Variants in SGIP1 observed in about 807,000 individuals in gnomAD.
SGIP1 encodes the protein SH3-containing GRB2-like protein 3-interacting protein 1.
A neutral mutation model predicts 107.5 loss-of-function variants in SGIP1; 38 were observed. That is an observed-to-expected ratio of 0.35 (90% confidence interval 0.27 to 0.46). SGIP1 has a LOEUF of 0.46. Among genes scored for constraint, SGIP1 ranks in the 20% least tolerant of loss-of-function variants. The pLI, the probability that SGIP1 is intolerant of heterozygous loss-of-function variation, is 1.00. For synonymous variants in SGIP1, 365 were observed against 366.1 expected (o/e 1.00, Z 0.03); for missense variants, 929 against 1,019.5 (o/e 0.91, Z 1.21).
chr1:66,679,774 T>G (rs2086241431), intron 14 of SGIP1, 22 bp downstream of exon 14: 1 of 1,577,800 alleles, frequency 6.3e-7, no homozygotes. Flanking sequence ...TTTTTTCAGT[T>G]CTGGGATGAT....
chr1:66,743,048 G>A, intron 24 of SGIP1, 25 bp from the exon 25 acceptor site: 8 of 1,613,374 alleles, frequency 5.0e-6, no homozygotes, highest in Non-Finnish European at 6.8e-6. Flanking sequence ...CAGATAACCT[G>A]TTGACATGCT....
Position 66,689,221 on chromosome 1 carries a change from C to CCGGCCTCCATCCCGGCCAAAG in SGIP1, c.1391_1411dup (p.Arg464_Lys470dup), listed in dbSNP as rs765195877. 1 of 1,613,938 alleles carries CCGGCCTCCATCCCGGCCAAAG rather than the reference C, an allele frequency of 6.2e-7. No homozygotes were observed. The stretch of plus-strand genomic sequence containing the variant: ...GTACCACTCCACCTCCACCTCCTCC[C>CCGGCCTCCATCCCGGCCAAAG]CGGCCTCCATCCCGGCCAAAGCTAC... On this transcript the variant is annotated inframe_insertion, in exon 16 of 25. Transcript: ENST00000371037.
At chr1:66,709,012 G>A (rs557380620) in intron 18 of SGIP1, among the ~76,000 whole-genome samples, 1 of 151,706 alleles carries the variant, frequency 6.6e-6, no homozygotes, top group East Asian at 1.9e-4. Flanking sequence ...TGTTTGTTTT[G>A]TTTTCTTTAC....
At chr1:66,732,491 C>G (rs2094059286) in intron 20 of SGIP1, among the ~76,000 whole-genome samples, 2 of 152,158 alleles carry the variant, frequency 1.3e-5, no homozygotes, top group Admixed American at 1.3e-4. Context: ...ATTTCCAGGG[C>G]CAAAGAGCTT....
At chr1:66,631,048 A>G (rs758359297) in intron 2 of SGIP1, among the ~76,000 whole-genome samples, 39 of 33,888 alleles carry the variant, frequency 1.2e-3, no homozygotes, top group African/African-American at 3.3e-3. Context: ...AGAAAGGAAG[A>G]AAGAAAGAAA....
chr1:66,635,773 G>T (rs950269496), intron 3 of SGIP1, among the ~76,000 whole-genome samples, 171 bp from the exon 4 acceptor site: 3 of 152,106 alleles, frequency 2.0e-5, no homozygotes, highest in South Asian at 2.1e-4. Flanking sequence ...GGGCCCCAAA[G>T]TCCACTCTTT....
chr1:66,634,775 A>G (rs1467204569), intron 3 of SGIP1, among the ~76,000 whole-genome samples: 1 of 152,220 alleles, frequency 6.6e-6, no homozygotes, highest in Non-Finnish European at 1.5e-5. Context: ...AACAGGCTTT[A>G]TAGGTAATTG....
chr1:66,671,979 A>G lies in SGIP1; in HGVS notation c.544A>G (p.Thr182Ala). ...GGCAAGACCCAGGCGTTCCACACCA[A>G]CTCCAGAACTTATAAGGTGAGTGTG... ...EVARPRRSTP[T>A]PELISKKPPD... is the part of the protein sequence containing the mutation. Residue 182 changes from threonine to alanine, a missense_variant, in exon 11 of 25, where the codon ACT becomes GCT. Thr to Ala is a moderately conservative substitution (Grantham distance 58). Coordinates refer to ENST00000371037, the MANE Select transcript of SGIP1 (RefSeq NM_032291.4). 6.2e-7 allele frequency: 1 copy of G among 1,613,958 alleles called. No individual in the cohort carries two copies. The highest frequency in any genetic ancestry group is 8.5e-7 in the Non-Finnish European group (1 of 1,179,920).
In SGIP1 at chr1:66,739,494, G is replaced by A. The variant is rs777612087; in HGVS notation, c.2191G>A (p.Gly731Arg). 7 of 1,613,940 alleles carry A rather than the reference G, an allele frequency of 4.3e-6. No individual in the cohort carries two copies. The highest frequency in any genetic ancestry group is 1.3e-5 in the African/African-American group (1 of 74,872). Residue 731 changes from glycine to arginine, a missense_variant, in exon 22 of 25, where the codon GGA (glycine) becomes AGA (arginine). Coordinates refer to ENST00000371037, the MANE Select transcript of SGIP1 (RefSeq NM_032291.4). ...NNVQFLVPID[G>R]GVTKLQAVLP... The stretch of plus-strand genomic sequence containing the variant: ...TGTGCAGTTCCTGGTCCCCATCGAC[G>A]GAGGAGTCACCAAGCTCCAGGCAGT...
intron 1 of SGIP1, among the ~76,000 whole-genome samples, chr1:66,608,411 G>T (rs928863201): frequency 3.3e-5 from 5 of 152,046 alleles, no homozygotes; most frequent in Admixed American, 2.0e-4. Flanking sequence ...CATTTCTTAA[G>T]CAAAAATAAT....
At chr1:66,636,894 T>C (rs1309323542) in intron 4 of SGIP1, among the ~76,000 whole-genome samples, 1 of 152,166 alleles carries the variant, frequency 6.6e-6, no homozygotes, top group Non-Finnish European at 1.5e-5. Context: ...CATCATGTTA[T>C]CTAAGAACAG....
chr1:66,715,900 T>A (rs112917921), intron 18 of SGIP1, among the ~76,000 whole-genome samples: 3 of 152,256 alleles, frequency 2.0e-5, no homozygotes, highest in African/African-American at 7.2e-5. Flanking sequence ...TATAAGAAAA[T>A]TTTTAGCACT....
rs914338358 is a variant in SGIP1, at chr1:66,723,587, A to T, written c.1742+4182A>T. The stretch of plus-strand genomic sequence containing the variant: ...GGCTCTCTCTTATCCTTCTTTTATC[A>T]TCACATTTTAATTATTTATTCAGTA... On this transcript the variant is annotated intron_variant, in intron 19 of 24. Transcript: ENST00000371037. 1.3e-4 allele frequency among the ~76,000 whole-genome samples: 20 copies of T among 152,310 alleles called. 1 individual carries two copies. The highest frequency in any genetic ancestry group is 4.8e-4 in the African/African-American group (20 of 41,570).
At chr1:66,654,634 GA>G (rs1185550260) in intron 7 of SGIP1, among the ~76,000 whole-genome samples, 9 of 151,120 alleles carry the variant, frequency 6.0e-5, no homozygotes, top group East Asian at 5.8e-4. Context: ...TATTGTTTTA[GA>G]AAAAAAAATC....
At chr1:66,638,650 C>T (rs1157507215) in intron 4 of SGIP1, among the ~76,000 whole-genome samples, 1 of 152,128 alleles carries the variant, frequency 6.6e-6, no homozygotes, top group African/African-American at 2.4e-5. Context: ...CCCTGCTAGT[C>T]CATAGAATGC....
chr1:66,562,600 A>G (rs2059112830), intron 1 of SGIP1, among the ~76,000 whole-genome samples: 1 of 152,110 alleles, frequency 6.6e-6, no homozygotes. Context: ...GAATATGCTT[A>G]GGACCGAAAC....
intron 15 of SGIP1, among the ~76,000 whole-genome samples, chr1:66,686,358 C>T (rs79513763): frequency 0.12 from 17,603 of 152,188 alleles, 1,084 homozygotes; most frequent in South Asian, 0.16. Flanking sequence ...GCATGTCAAT[C>T]GTTGCCAACC....
At chr1:66,641,119 C>A (rs2076711017) in intron 5 of SGIP1, among the ~76,000 whole-genome samples, 1 of 151,896 alleles carries the variant, frequency 6.6e-6, no homozygotes, top group Non-Finnish European at 1.5e-5. Context: ...AGAAGTAGGT[C>A]AAAGAGTACA....
chr1:66,588,972 C>T lies in SGIP1; in HGVS notation c.11-36875C>T, dbSNP rs188558130. On this transcript the variant is annotated intron_variant, in intron 1 of 24. Transcript: ENST00000371037. ...GTGATAAGAAAAGAAAAAAAATTCT[C>T]TACTGAGCACAAGAAGCAAAAACAG... 5.0e-3 allele frequency among the ~76,000 whole-genome samples: 747 copies of T among 148,968 alleles called. 5 individuals carry two copies. Among genetic ancestry groups the T allele is most frequent in the Non-Finnish European group, 7.0e-3 (471 of 67,372 alleles).
Sources: gnomAD v4.1 joint callset for allele counts (sites outside exome capture counted in the v4.1 genomes callset) on GRCh38, gnomAD v4.1.1 for gene constraint, MANE v1.5 for transcripts, NCBI Gene and HGNC (gene_info 2026-07-23, HGNC 2026-07-21) for gene names.